The following RBFOX1 variants were observed in gnomAD, a reference collection of about 807,000 sequenced individuals.
RBFOX1 encodes the protein RNA binding protein fox-1 homolog 1.
In RBFOX1, 8 loss-of-function variants were observed where a neutral mutation model predicts 57.7. The ratio of observed to expected loss-of-function variants is 0.14; its 90% CI spans 0.08 to 0.25. The LOEUF (loss-of-function observed/expected upper bound fraction) is 0.25. Ranked by LOEUF, RBFOX1 falls within the 10% of genes least tolerant of loss-of-function variation. The pLI is 1.00. For synonymous variants in RBFOX1, 326 were observed against 222.4 expected, an observed-to-expected ratio of 1.47 and a Z score of -4.15; for missense variants, 611 against 548.5, an observed-to-expected ratio of 1.11 and a Z score of -1.14.
chr16:6,743,375 T>C (rs2072762704), intron 3 of RBFOX1, among the ~76,000 whole-genome samples: 1 of 152,152 alleles, frequency 6.6e-6, no homozygotes, highest in Admixed American at 6.6e-5. Context: ...AAGGCAGAGA[T>C]TGTCAGACTT....
chr16:7,524,187 C>G lies in RBFOX1; in HGVS notation c.270+5798C>G, dbSNP rs117932225. ...GTACTTTTGGGTAAGAGAAACCAGC[C>G]ATCCATCTGGTGGCCTCCAAGAACA... On this transcript the variant is annotated intron_variant, in intron 5 of 15. Coordinates refer to ENST00000550418, the MANE Select transcript of RBFOX1 (RefSeq NM_018723.4). Among the ~76,000 whole-genome samples the G allele has an allele frequency of 3.4e-4, 52 of 152,240 alleles. 1 individual carries two copies. Among genetic ancestry groups the G allele is most frequent in the Middle Eastern group, 3.4e-3 (1 of 294 alleles).
intron 2 of RBFOX1, among the ~76,000 whole-genome samples, chr16:6,579,470 A>G (rs1284084182): frequency 1.3e-5 from 2 of 152,170 alleles, no homozygotes; most frequent in East Asian, 1.9e-4. Context: ...TAATTGAATC[A>G]TGGGAATGGT....
At chr16:5,969,239 C>A (rs1429818990) in intron 4 of RBFOX1, among the ~76,000 whole-genome samples, 1 of 150,000 alleles carries the variant, frequency 6.7e-6, no homozygotes, top group African/African-American at 2.5e-5. Flanking sequence ...TTAGTCTGCT[C>A]CTTTTTCTCT....
At chr16:6,691,617 C>A (rs1459968790) in intron 3 of RBFOX1, among the ~76,000 whole-genome samples, 2 of 152,266 alleles carry the variant, frequency 1.3e-5, no homozygotes, top group African/African-American at 4.8e-5. Context: ...TGTGTGCCTC[C>A]ACTGTTTAAG....
chr16:7,542,699 G>GAAAAAAAAAA (rs59316335), intron 5 of RBFOX1, among the ~76,000 whole-genome samples: 2 of 74,364 alleles, frequency 2.7e-5, no homozygotes, highest in East Asian at 4.2e-4. Context: ...TACTAAAAAT[G>GAAAAAAAAAA]AAAAAAAAAA....
chr16:6,309,763 C>T (rs1377856159), intron 1 of RBFOX1, among the ~76,000 whole-genome samples: 1 of 152,082 alleles, frequency 6.6e-6, no homozygotes, highest in African/African-American at 2.4e-5. Context: ...GAAGCAGACA[C>T]AGAGACTATA....
At chr16:6,252,611 T>TTTTGC (rs989436321) in intron 1 of RBFOX1, among the ~76,000 whole-genome samples, 106 of 149,902 alleles carry the variant, frequency 7.1e-4, no homozygotes, top group Non-Finnish European at 3.9e-4. Flanking sequence ...TGCCAAGGTG[T>TTTTGC]TTTGTTTTGT....
chr16:7,250,649 C>T (rs919213361), intron 4 of RBFOX1, among the ~76,000 whole-genome samples: 1 of 152,196 alleles, frequency 6.6e-6, no homozygotes, highest in Admixed American at 6.5e-5. Context: ...TAGAGGAGTG[C>T]ATTTTACCAT....
At chr16:5,699,005 T>G (rs1249637465) in intron 3 of RBFOX1, among the ~76,000 whole-genome samples, 2 of 76,932 alleles carry the variant, frequency 2.6e-5, no homozygotes. Flanking sequence ...TTTTTTTTTT[T>G]GAGACAGAGT....
intron 1 of RBFOX1, among the ~76,000 whole-genome samples, chr16:5,245,592 G>C (rs1478975080): frequency 6.6e-6 from 1 of 152,136 alleles, no homozygotes; most frequent in Admixed American, 6.5e-5. Context: ...ATGCAGATGC[G>C]CACCACCATG....
At chr16:6,174,455 C>T (rs1031100918) in intron 1 of RBFOX1, among the ~76,000 whole-genome samples, 2 of 152,120 alleles carry the variant, frequency 1.3e-5, no homozygotes, top group Non-Finnish European at 2.9e-5. Flanking sequence ...GTTAGCTGGG[C>T]ATGGAGGTGC....
intron 2 of RBFOX1, among the ~76,000 whole-genome samples, chr16:6,628,511 T>G (rs950240282): frequency 6.6e-6 from 1 of 152,222 alleles, no homozygotes; most frequent in African/African-American, 2.4e-5. Context: ...TTATCATATT[T>G]GTTTTATCTC....
intron 3 of RBFOX1, among the ~76,000 whole-genome samples, chr16:6,901,810 A>C (rs1036068674): frequency 1.1e-4 from 16 of 152,164 alleles, no homozygotes; most frequent in African/African-American, 3.9e-4. Flanking sequence ...ATAATACTTC[A>C]CTGTTATATT....
Position 6,694,283 on chromosome 16 carries a change from A to G in RBFOX1, c.-16+39633A>G, listed in dbSNP as rs558986844. Among the ~76,000 whole-genome samples the G allele has an allele frequency of 7.9e-5, 12 of 152,234 alleles. No individual in the cohort carries two copies. In the South Asian group the frequency reaches 2.5e-3, roughly 32 times the overall value. Reference sequence around the variant, plus strand: ...AGAGAGGAGGTTGGTGTGTGAGTCAATTTTTCTGTCTTATTTATCTTGACA... The same window carrying G: ...AGAGAGGAGGTTGGTGTGTGAGTCAGTTTTTCTGTCTTATTTATCTTGACA... On this transcript the variant is annotated intron_variant, in intron 3 of 15. Coordinates refer to ENST00000550418, the MANE Select transcript of RBFOX1 (RefSeq NM_018723.4).
In RBFOX1 at chr16:6,106,304, A is replaced by AG. The variant is rs200308292; in HGVS notation, c.-127+86312_-127+86313insG. On this transcript the variant is annotated intron_variant, in intron 1 of 15. Coordinates refer to ENST00000550418, the MANE Select transcript of RBFOX1 (RefSeq NM_018723.4). ...AAAACCCCATCTCTAGTAAAAATACAAAAAAAATTAGTCAGGCTTGATGAC... is the reference window on the plus strand; with the variant it reads ...AAAACCCCATCTCTAGTAAAAATACAGAAAAAAATTAGTCAGGCTTGATGAC... 3.8e-4 allele frequency among the ~76,000 whole-genome samples: 6 copies of AG among 15,784 alleles called. No homozygotes were observed. In the Admixed American group the frequency reaches 4.2e-3, roughly 11 times the overall value. 10.4% of individuals were successfully genotyped at this position (15,784 alleles called of 152,430 possible).
rs2073500764 is a variant in RBFOX1, at chr16:6,745,937, G to C, written c.-16+91287G>C. 2.0e-5 allele frequency among the ~76,000 whole-genome samples: 3 copies of C among 152,132 alleles called. No individual in the cohort carries two copies. In the South Asian group the frequency reaches 6.2e-4, roughly 31 times the overall value. ...TTAGAAATGAATTTATCAAGTTGCAGGATGCAGTATCAATATATGTAATTC... is the reference window on the plus strand; with the variant it reads ...TTAGAAATGAATTTATCAAGTTGCACGATGCAGTATCAATATATGTAATTC... On this transcript the variant is annotated intron_variant, in intron 3 of 15. Transcript: ENST00000550418.
Position 7,069,041 on chromosome 16 carries a change from G to A in RBFOX1, c.27+16943G>A, listed in dbSNP as rs1445857784. Reference sequence around the variant, plus strand: ...AAGTAAAACACATGAATGAATGAGTGAATGGATGTTTCTAAAGACTCTAGG... The same window carrying A: ...AAGTAAAACACATGAATGAATGAGTAAATGGATGTTTCTAAAGACTCTAGG... On this transcript the variant is annotated intron_variant, in intron 4 of 15. Transcript: ENST00000550418. Among the ~76,000 whole-genome samples, 5 of 152,314 alleles carry A rather than the reference G, an allele frequency of 3.3e-5. No homozygotes were observed. In the East Asian group the frequency reaches 5.8e-4, roughly 18 times the overall value.
chr16:6,428,440 A>T (rs2093990801), intron 2 of RBFOX1, among the ~76,000 whole-genome samples: 2 of 152,114 alleles, frequency 1.3e-5, no homozygotes, highest in African/African-American at 2.4e-5. Context: ...ATGTGTATGT[A>T]GTTTATTTAT....
chr16:7,233,241 T>C (rs1353111222), intron 4 of RBFOX1, among the ~76,000 whole-genome samples: 1 of 150,978 alleles, frequency 6.6e-6, no homozygotes, highest in African/African-American at 2.4e-5. Context: ...CTGATTCTTA[T>C]CCCATTGACT....
Sources: allele counts gnomAD v4.1 joint callset (sites outside exome capture counted in the v4.1 genomes callset), GRCh38; gene constraint gnomAD v4.1.1; transcripts MANE v1.5; gene names NCBI Gene and HGNC (gene_info 2026-07-23, HGNC 2026-07-21).